Variants in GPRC5B observed in about 807,000 individuals in gnomAD.
GPRC5B encodes the protein G protein-coupled receptor family C group 5 member B.
Under a neutral mutation model 30.1 loss-of-function variants are expected in GPRC5B, and 16 were observed. That is an observed-to-expected ratio of 0.53 (90% CI 0.36 to 0.81). The LOEUF (loss-of-function observed/expected upper bound fraction) is 0.81, where lower values mean the gene tolerates loss of function less well. Among genes scored for constraint, GPRC5B ranks in the 30% least tolerant of loss-of-function variants. The pLI is 0.01. For missense variants in GPRC5B, 428 were observed against 544.7 expected, an observed-to-expected ratio of 0.79 and a Z score of 2.13; for synonymous variants, 241 against 239.5, an observed-to-expected ratio of 1.01 and a Z score of -0.06.
intron 2 of GPRC5B, chr16:19,862,442 A>T (rs1368251138): frequency 1.3e-5 from 2 of 153,200 alleles, no homozygotes; most frequent in African/African-American, 4.8e-5. Flanking sequence ...GTGTAGGGTT[A>T]TTCCAAACAA....
intron 1 of GPRC5B, among the ~76,000 whole-genome samples, chr16:19,881,544 G>C (rs1289300721): frequency 6.6e-6 from 1 of 152,226 alleles, no homozygotes; most frequent in Non-Finnish European, 1.5e-5. Context: ...CACTTTAGGA[G>C]GCTGGGGTGG....
upstream of GPRC5B, chr16:19,885,275 T>G (rs1195716594): frequency 7.1e-6 from 9 of 1,275,766 alleles, no homozygotes; most frequent in East Asian, 5.8e-5. The surrounding 1 kb of genome is among the most constrained non-coding windows in gnomAD (Gnocchi z 5.3). Context: ...CCAAGGGGGG[T>G]TCATAAGCAG....
In GPRC5B at chr16:19,857,366, T is replaced by C. The variant is rs976877953; in HGVS notation, c.*3134A>G. The C allele has an allele frequency of 1.9e-5, 8 of 416,324 alleles. No homozygotes were observed. Among genetic ancestry groups the C allele is most frequent in the Admixed American group, 1.7e-4 (5 of 30,166 alleles). 25.8% of individuals were successfully genotyped at this position (416,324 alleles called of 1,614,324 possible). A position where few individuals can be genotyped will look rare whatever the true frequency, so the allele number is the denominator to read the frequency against. On this transcript the variant is annotated 3_prime_UTR_variant, in exon 4 of 4. Transcript: ENST00000300571. ...GAAAATAAAACCTATCTGCCCATGGTTTACAGCCTTTTAAATTTGTAATAT... is the reference window on the plus strand; with the variant it reads ...GAAAATAAAACCTATCTGCCCATGGCTTACAGCCTTTTAAATTTGTAATAT...
intron 1 of GPRC5B, among the ~76,000 whole-genome samples, chr16:19,878,994 G>A (rs563760798): frequency 2.0e-5 from 3 of 152,222 alleles, no homozygotes; most frequent in South Asian, 2.1e-4. Flanking sequence ...ACAAGGACAC[G>A]TATAGCAGCG....
rs1189364872 is a variant in GPRC5B at position 19,858,420 on chromosome 16, G to A, written c.*2080C>T. The A allele has an allele frequency of 3.6e-6, 2 of 561,158 alleles. No individual in the cohort carries two copies. The highest frequency in any genetic ancestry group is 3.8e-5 in the African/African-American group (2 of 52,744). The allele number at this position is 561,158 out of a possible 1,614,324, so 34.8% of individuals were successfully genotyped here. On this transcript the variant is annotated 3_prime_UTR_variant, in exon 4 of 4. Transcript: ENST00000300571. ...ACGACTTTCCATGGCAGCCATTTGT[G>A]CTGTGCTCACCTTATATGCTTGGAC...
chr16:19,880,986 G>A (rs939402385), intron 1 of GPRC5B: 2 of 152,308 alleles, frequency 1.3e-5, no homozygotes, highest in South Asian at 2.1e-4. Flanking sequence ...TAAAGATGGC[G>A]GTAGGCACTG....
At chr16:19,865,716 G>A (rs1234473322) in intron 2 of GPRC5B, among the ~76,000 whole-genome samples, 1 of 152,158 alleles carries the variant, frequency 6.6e-6, no homozygotes, top group African/African-American at 2.4e-5. Flanking sequence ...TTGAGAGTCA[G>A]AAGCAGGCAG....
chr16:19,871,658 C>A (rs372362791), intron 2 of GPRC5B, among the ~76,000 whole-genome samples, 158 bp downstream of exon 2: 151 of 152,322 alleles, frequency 9.9e-4, no homozygotes, highest in Admixed American at 2.6e-3. Flanking sequence ...AAACCCATAT[C>A]TGGGTCAGTT....
intron 1 of GPRC5B, among the ~76,000 whole-genome samples, chr16:19,877,829 A>G (rs961493110): frequency 2.0e-5 from 3 of 152,160 alleles, no homozygotes; most frequent in African/African-American, 7.2e-5. Flanking sequence ...GCTTTTTACT[A>G]CACACTAGCT....
intron 1 of GPRC5B, among the ~76,000 whole-genome samples, chr16:19,882,765 A>T (rs115246343): frequency 0.027 from 4,168 of 152,172 alleles, 155 homozygotes; most frequent in African/African-American, 0.09. Context: ...CCTTTCCATG[A>T]CCCAAAAGAT....
intron 1 of GPRC5B, among the ~76,000 whole-genome samples, chr16:19,883,416 ATGCCAATT>A (rs2056822548): frequency 1.3e-5 from 2 of 152,232 alleles, no homozygotes; most frequent in Non-Finnish European, 1.5e-5. Flanking sequence ...CAAACGACAG[ATGCCAATT>A]TGCATTCTAT....
intron 2 of GPRC5B, among the ~76,000 whole-genome samples, chr16:19,869,054 C>A (rs1051964756): frequency 2.4e-4 from 37 of 152,068 alleles, no homozygotes; most frequent in Non-Finnish European, 3.1e-4. Context: ...AGTGGCCGGG[C>A]GCAGTGGCTC....
intron 3 of GPRC5B, among the ~76,000 whole-genome samples, chr16:19,860,962 T>C (rs953387134): frequency 1.3e-5 from 2 of 151,856 alleles, no homozygotes; most frequent in African/African-American, 4.8e-5. Context: ...GTTTTAAGAA[T>C]GCAAATCTGT....
intron 2 of GPRC5B, among the ~76,000 whole-genome samples, 176 bp downstream of exon 2, chr16:19,871,640 A>G (rs985633693): frequency 6.6e-6 from 1 of 151,990 alleles, no homozygotes. Flanking sequence ...CAGACAAACA[A>G]ACAACCCAAA....
chr16:19,869,553 T>C (rs1404649764), intron 2 of GPRC5B, among the ~76,000 whole-genome samples: 2 of 152,110 alleles, frequency 1.3e-5, no homozygotes, highest in African/African-American at 2.4e-5. Flanking sequence ...CAAGTATCAA[T>C]AGCAGGGGAT....
chr16:19,863,601 G>A (rs1447473935), intron 2 of GPRC5B, among the ~76,000 whole-genome samples: 9 of 148,968 alleles, frequency 6.0e-5, no homozygotes, highest in African/African-American at 1.7e-4. Flanking sequence ...AGATTCCAGC[G>A]ATTCTCCTGC....
At chr16:19,880,744 A>G (rs1016401711) in intron 1 of GPRC5B, among the ~76,000 whole-genome samples, 1 of 152,192 alleles carries the variant, frequency 6.6e-6, no homozygotes, top group Non-Finnish European at 1.5e-5. Flanking sequence ...ACACCCAGAG[A>G]GCAGACACCA....
intron 2 of GPRC5B, among the ~76,000 whole-genome samples, chr16:19,863,004 T>C (rs2056639347): frequency 6.6e-6 from 1 of 152,216 alleles, no homozygotes; most frequent in Admixed American, 6.5e-5. Context: ...TGCAAATTAC[T>C]TGGGGCAGGG....
At chr16:19,885,204 G>A (rs1207791263), upstream of GPRC5B, 5 of 1,288,024 alleles carry the variant, frequency 3.9e-6, no homozygotes, top group South Asian at 2.5e-5. The surrounding 1 kb of genome is among the most constrained non-coding windows in gnomAD (Gnocchi z 5.3). Flanking sequence ...TACACTTACC[G>A]AGGGAGGTAT....
Sources: gnomAD v4.1 joint callset for allele counts (sites outside exome capture counted in the v4.1 genomes callset) on GRCh38, gnomAD v4.1.1 for gene constraint, Gnocchi (gnomAD v3.1) non-coding constraint, MANE v1.5 for transcripts, NCBI Gene and HGNC (gene_info 2026-07-23, HGNC 2026-07-21) for gene names.